BLTP1: variants seen among roughly 807,000 people sequenced by gnomAD.
BLTP1 encodes fragile site-associated protein.
the BLTP1 span, among the ~76,000 whole-genome samples, chr4:122,307,046 C>G: frequency 2.0e-5 from 3 of 151,096 alleles, no homozygotes; most frequent in Admixed American, 2.0e-4. Context: ...TGACACAAAA[C>G]AGGTTGAGTA....
chr4:122,244,053 C>T, the BLTP1 span: 1 of 1,547,412 alleles, frequency 6.5e-7, no homozygotes, highest in Non-Finnish European at 8.7e-7. Context: ...AGAAATACAA[C>T]TGTTGCTTTA....
chr4:122,190,890 T>A, the BLTP1 span, among the ~76,000 whole-genome samples: 1 of 152,154 alleles, frequency 6.6e-6, no homozygotes, highest in Non-Finnish European at 1.5e-5. Flanking sequence ...GGTCAAAGTA[T>A]TTTGAAAGTA....
the BLTP1 span, chr4:122,261,776 T>A: frequency 1.0e-6 from 1 of 978,806 alleles, no homozygotes; most frequent in African/African-American, 1.7e-5. Context: ...AAGGATTAAA[T>A]AAGCTAATAC....
the BLTP1 span, chr4:122,246,059 A>C: frequency 7.2e-7 from 1 of 1,381,850 alleles, no homozygotes. Flanking sequence ...ATAGATAGGC[A>C]TAGAGGGGCA....
the BLTP1 span, chr4:122,359,327 A>ATCAAG: frequency 5.1e-6 from 5 of 975,754 alleles, no homozygotes; most frequent in South Asian, 1.9e-4. Context: ...TAGGCTTGCT[A>ATCAAG]TCAAGTCAAT....
At chr4:122,266,635 T>C in the BLTP1 span, 1 of 542,012 alleles carries the variant, frequency 1.8e-6, no homozygotes, top group Non-Finnish European at 3.0e-6. Flanking sequence ...TAGAGTCAAT[T>C]ATATGAGACC....
At chr4:122,315,329 T>G in the BLTP1 span, 1 of 1,164,270 alleles carries the variant, frequency 8.6e-7, no homozygotes, top group East Asian at 2.5e-5. Flanking sequence ...AAATCAATCC[T>G]GTAGTCTGAT....
chr4:122,271,657 C>T, the BLTP1 span: 1 of 1,608,428 alleles, frequency 6.2e-7, no homozygotes, highest in African/African-American at 1.3e-5. Context: ...AATTGCTTAA[C>T]TTCTATTCAC....
chr4:122,292,064 G>A, the BLTP1 span, among the ~76,000 whole-genome samples: 4 of 142,284 alleles, frequency 2.8e-5, no homozygotes, highest in East Asian at 4.6e-4. Context: ...TCTACCTCCC[G>A]GGTTCAGGCG....
At chr4:122,334,648 G>A in the BLTP1 span, 1 of 1,157,002 alleles carries the variant, frequency 8.6e-7, no homozygotes, top group Non-Finnish European at 1.2e-6. Context: ...TAAGAAAAAA[G>A]GACATACATT....
At chr4:122,247,647 T>C in the BLTP1 span, 1 of 1,193,004 alleles carries the variant, frequency 8.4e-7, no homozygotes. Context: ...TGCTATTTAC[T>C]TGCTCGTTAT....
At chr4:122,246,212 A>C in the BLTP1 span, 3 of 1,608,506 alleles carry the variant, frequency 1.9e-6, no homozygotes, top group South Asian at 3.3e-5. Context: ...AGGAACGACT[A>C]ACCAAGGACA....
At chr4:122,350,546 G>A in the BLTP1 span, 71 of 196,182 alleles carry the variant, frequency 3.6e-4, no homozygotes, top group African/African-American at 1.6e-3. Flanking sequence ...AGATTCTAAT[G>A]GGAGAGAAAG....
the BLTP1 span, among the ~76,000 whole-genome samples, chr4:122,166,120 T>C: frequency 1.3e-5 from 2 of 152,184 alleles, no homozygotes; most frequent in African/African-American, 4.8e-5. Flanking sequence ...GCCATTGCTT[T>C]TGGTATTTTA....
At chr4:122,288,278 A>G in the BLTP1 span, among the ~76,000 whole-genome samples, 3 of 152,190 alleles carry the variant, frequency 2.0e-5, no homozygotes, top group Non-Finnish European at 2.9e-5. Flanking sequence ...AATTCACTCA[A>G]ATGTAAGCCT....
At chr4:122,202,203 G>A in the BLTP1 span, among the ~76,000 whole-genome samples, 1 of 152,034 alleles carries the variant, frequency 6.6e-6, no homozygotes, top group Non-Finnish European at 1.5e-5. Flanking sequence ...TTGAACCAAT[G>A]TCCCAGTAGT....
the BLTP1 span, among the ~76,000 whole-genome samples, chr4:122,179,055 G>T: frequency 2.0e-5 from 3 of 152,010 alleles, no homozygotes; most frequent in Non-Finnish European, 4.4e-5. Flanking sequence ...GAGGTGGGAG[G>T]ATTGCTTGAG....
chr4:122,208,222 T>C, the BLTP1 span: 1 of 678,462 alleles, frequency 1.5e-6, no homozygotes, highest in Non-Finnish European at 1.8e-6. Context: ...GTAACTCAAT[T>C]CTCAGAACAA....
chr4:122,326,684 C>A, the BLTP1 span, among the ~76,000 whole-genome samples: 3 of 151,218 alleles, frequency 2.0e-5, no homozygotes, highest in South Asian at 6.2e-4. Context: ...TTTAAATTAG[C>A]CATGTACTGC....
Sources: gnomAD v4.1 joint callset for allele counts (sites outside exome capture counted in the v4.1 genomes callset) on GRCh38, gnomAD v4.1.1 for gene constraint, MANE v1.5 for transcripts, NCBI Gene and HGNC (gene_info 2026-07-23, HGNC 2026-07-21) for gene names.